The following NUTF2 variants were observed in gnomAD, a reference collection of about 807,000 sequenced individuals.
NUTF2 encodes the protein nuclear transport factor 2, also known as placental protein 15.
In NUTF2, 3 loss-of-function variants were observed where a neutral mutation model predicts 18.5. That is an observed-to-expected ratio of 0.16 (90% CI 0.07 to 0.42). The LOEUF is 0.42. Among genes scored for constraint, NUTF2 ranks in the 10% least tolerant of loss-of-function variants. The pLI is 0.99. For missense variants in NUTF2, 44 were observed against 160.7 expected, an observed-to-expected ratio of 0.27 and a Z score of 3.93; for synonymous variants, 51 against 57.9, an observed-to-expected ratio of 0.88 and a Z score of 0.54.
chr16:67,870,540 C>T (rs1450260564), intron 4 of NUTF2: 2 of 460,502 alleles, frequency 4.3e-6, no homozygotes, highest in African/African-American at 2.0e-5. Flanking sequence ...TTTGCTGTAG[C>T]TAAGGGTGAA....
chr16:67,868,872 TCTAGAGCCTTTATC>T, intron 4 of NUTF2: 1 of 322,366 alleles, frequency 3.1e-6, no homozygotes, highest in Non-Finnish European at 6.0e-6. Context: ...CAGACACTGG[TCTAGAGCCTTTATC>T]TGGAAAAGGG....
chr16:67,859,000 CTT>C (rs200602282), intron 1 of NUTF2, among the ~76,000 whole-genome samples: 2 of 146,722 alleles, frequency 1.4e-5, no homozygotes, highest in African/African-American at 2.5e-5. Context: ...CTATGTCCAG[CTT>C]TTTTTTTTTT....
At chr16:67,866,906 C>T (rs1342897551) in intron 2 of NUTF2, among the ~76,000 whole-genome samples, 4 of 151,970 alleles carry the variant, frequency 2.6e-5, no homozygotes, top group African/African-American at 9.7e-5. Context: ...CCATGCCCAG[C>T]ATAGAGTTTT....
chr16:67,854,537 T>C (rs538069189), intron 1 of NUTF2, among the ~76,000 whole-genome samples: 89 of 152,308 alleles, frequency 5.8e-4, no homozygotes, highest in Admixed American at 1.6e-3. Flanking sequence ...ATAGCGCTTG[T>C]TTTAGAATCC....
rs544542042 is a variant in NUTF2, at chr16:67,852,599, C to G, written c.-30+5614C>G. Among the ~76,000 whole-genome samples the G allele has an allele frequency of 2.6e-5, 4 of 152,208 alleles. No homozygotes were observed. In the South Asian group the frequency reaches 6.2e-4, roughly 24 times the overall value. ...TCTCAAACTCCTGACCTCAGGCGATCCGCCCACCTCAGCTTCCCAAAGTGC... is the reference window on the plus strand; with the variant it reads ...TCTCAAACTCCTGACCTCAGGCGATGCGCCCACCTCAGCTTCCCAAAGTGC... On this transcript the variant is annotated intron_variant, in intron 1 of 4. Coordinates refer to ENST00000219169, the MANE Select transcript of NUTF2 (RefSeq NM_005796.3).
At chr16:67,862,869 G>T (rs2057943865) in intron 1 of NUTF2, among the ~76,000 whole-genome samples, 1 of 152,130 alleles carries the variant, frequency 6.6e-6, no homozygotes, top group African/African-American at 2.4e-5. Flanking sequence ...GTTTCTTCTG[G>T]TTGGCATACC....
chr16:67,847,396 C>G (rs2057812600), intron 1 of NUTF2: 1 of 152,330 alleles, frequency 6.6e-6, no homozygotes, highest in Non-Finnish European at 1.5e-5. Context: ...CGTCCTGCTA[C>G]CCACCTACGA....
chr16:67,855,646 G>C (rs555889654), intron 1 of NUTF2, among the ~76,000 whole-genome samples: 10 of 152,272 alleles, frequency 6.6e-5, no homozygotes, highest in Non-Finnish European at 1.5e-5. Context: ...GGTCTCCCGA[G>C]GGCAGAAACT....
intron 1 of NUTF2, among the ~76,000 whole-genome samples, chr16:67,849,986 C>G (rs1226143194): frequency 6.6e-6 from 1 of 151,882 alleles, no homozygotes; most frequent in Admixed American, 6.6e-5. Flanking sequence ...GTGATGTCAT[C>G]TCCATATGTT....
chr16:67,865,080 C>T (rs774420259), intron 1 of NUTF2, 22 bp from the exon 2 acceptor site: 6 of 1,254,652 alleles, frequency 4.8e-6, no homozygotes, highest in Non-Finnish European at 7.0e-6. Context: ...ATGCTTCCCT[C>T]CTGGTCTCAT....
chr16:67,860,788 C>T (rs2057930116), intron 1 of NUTF2, among the ~76,000 whole-genome samples: 1 of 152,202 alleles, frequency 6.6e-6, no homozygotes, highest in South Asian at 2.1e-4. Context: ...TTCTGTGTGC[C>T]AGTCTGGAAG....
intron 1 of NUTF2, among the ~76,000 whole-genome samples, chr16:67,854,081 G>C (rs1256928489): frequency 6.6e-6 from 1 of 152,330 alleles, no homozygotes; most frequent in Non-Finnish European, 1.5e-5. Context: ...CTCTCAAGTA[G>C]CTGGGACTAC....
chr16:67,856,487 G>A (rs1240404757), intron 1 of NUTF2, among the ~76,000 whole-genome samples: 3 of 146,384 alleles, frequency 2.0e-5, no homozygotes, highest in African/African-American at 5.1e-5. Context: ...ACCATCCCTG[G>A]CCCAGTTTTT....
At chr16:67,854,254 G>C (rs1443147565) in intron 1 of NUTF2, among the ~76,000 whole-genome samples, 2 of 152,318 alleles carry the variant, frequency 1.3e-5, no homozygotes, top group African/African-American at 2.4e-5. Context: ...CCTGGCCTGT[G>C]CGAGGCCTTC....
chr16:67,851,665 G>A (rs1007932734), intron 1 of NUTF2, among the ~76,000 whole-genome samples: 3 of 151,634 alleles, frequency 2.0e-5, no homozygotes, highest in Non-Finnish European at 4.4e-5. Context: ...CGCTACCCCC[G>A]CCCCAGGACA....
At position 67,870,921 on chromosome 16, in the gene NUTF2, T is replaced by G; in HGVS notation, c.*8T>G. The G allele has an allele frequency of 6.3e-7, 1 of 1,597,630 alleles. No individual in the cohort carries two copies. Among genetic ancestry groups the G allele is most frequent in the Non-Finnish European group, 8.6e-7 (1 of 1,165,040 alleles). On this transcript the variant is annotated 3_prime_UTR_variant, in exon 5 of 5. Transcript: ENST00000219169. ...CTGCACAACTTTGGCTGACCTCCTCTCAGCTAGGCACTCACGCTGTTTCCT... is the reference window on the plus strand; with the variant it reads ...CTGCACAACTTTGGCTGACCTCCTCGCAGCTAGGCACTCACGCTGTTTCCT...
chr16:67,864,691 A>G (rs1598167434), intron 1 of NUTF2, among the ~76,000 whole-genome samples: 1 of 152,180 alleles, frequency 6.6e-6, no homozygotes, highest in Non-Finnish European at 1.5e-5. Context: ...GAATAGCAAT[A>G]ACTCTGTCCT....
At chr16:67,866,468 AT>A (rs956762121) in intron 2 of NUTF2, among the ~76,000 whole-genome samples, 33 of 145,336 alleles carry the variant, frequency 2.3e-4, no homozygotes, top group East Asian at 1.0e-3. Flanking sequence ...ACCAAGCCTA[AT>A]TTTTTTTTTT....
intron 1 of NUTF2, among the ~76,000 whole-genome samples, chr16:67,858,332 T>C (rs1055098004): frequency 6.6e-6 from 1 of 151,992 alleles, no homozygotes; most frequent in Non-Finnish European, 1.5e-5. Context: ...CATTTCTGGC[T>C]AGTTTTTGTA....
Sources: gnomAD v4.1 joint callset for allele counts (sites outside exome capture counted in the v4.1 genomes callset) on GRCh38, gnomAD v4.1.1 for gene constraint, MANE v1.5 for transcripts, NCBI Gene and HGNC (gene_info 2026-07-23, HGNC 2026-07-21) for gene names.